Variants in FMNL3 observed in about 807,000 individuals in gnomAD.
The protein encoded by FMNL3 is formin-like protein 3.
FMNL3 carries 57 observed loss-of-function variants against 119.6 expected under a neutral mutation model. The observed-to-expected ratio is 0.48, with a 90% CI of 0.39 to 0.59. The LOEUF (loss-of-function observed/expected upper bound fraction) is 0.59, where lower values mean the gene tolerates loss of function less well. Ranked by LOEUF, FMNL3 falls within the 20% of genes least tolerant of loss-of-function variation. The pLI is 0.00. For synonymous variants in FMNL3, 491 were observed against 507.3 expected (o/e 0.97, Z 0.43); for missense variants, 1,053 against 1,323.5 (o/e 0.80, Z 3.17).
At position 49,693,635 on chromosome 12, in the gene FMNL3, GGTTTTTTTTTT is replaced by G. The variant is rs1368092922; in HGVS notation, c.126+13409_126+13419del. Among the ~76,000 whole-genome samples, 80 of 21,240 alleles carry G rather than the reference GGTTTTTTTTTT, an allele frequency of 3.8e-3. 5 individuals carry two copies. Among genetic ancestry groups the G allele is most frequent in the African/African-American group, 7.5e-3 (68 of 9,044 alleles). The allele number at this position is 21,240 out of a possible 152,430, so 13.9% of individuals were successfully genotyped here. On this transcript the variant is annotated intron_variant, in intron 1 of 25. Coordinates refer to ENST00000335154, the MANE Select transcript of FMNL3 (RefSeq NM_175736.5). ...CCACCCGCCTCAGCCTCCCAATCTT[GGTTTTTTTTTT>G]TTTTTTTTTTTTTTTTTTTGAGACA...
At chr12:49,701,221 C>T (rs1207017791) in intron 1 of FMNL3, among the ~76,000 whole-genome samples, 2 of 151,782 alleles carry the variant, frequency 1.3e-5, no homozygotes, top group Non-Finnish European at 1.5e-5. Flanking sequence ...TATACACGTA[C>T]ATCAAAGTGT....
At chr12:49,661,460 C>T (rs1943730880) in intron 5 of FMNL3, among the ~76,000 whole-genome samples, 1 of 151,646 alleles carries the variant, frequency 6.6e-6, no homozygotes, top group Admixed American at 6.6e-5. Flanking sequence ...CTCCAAGCCC[C>T]CCTGCCTGCT....
rs114377897 is a variant in FMNL3, at chr12:49,671,325, C to T, written c.127-2771G>A. On this transcript the variant is annotated intron_variant, in intron 1 of 25. Coordinates refer to ENST00000335154, the MANE Select transcript of FMNL3 (RefSeq NM_175736.5). The stretch of plus-strand genomic sequence containing the variant: ...AAGGAATGATCCCAAAGTATGGAAA[C>T]GGGTGGTAGAGGCATGAAGTAGGTC... 5.1e-3 allele frequency among the ~76,000 whole-genome samples: 776 copies of T among 152,366 alleles called. 7 individuals carry two copies. Among genetic ancestry groups the T allele is most frequent in the African/African-American group, 0.017 (711 of 41,582 alleles).
intron 1 of FMNL3, among the ~76,000 whole-genome samples, chr12:49,674,787 C>T (rs1025561675): frequency 6.6e-6 from 1 of 152,178 alleles, no homozygotes; most frequent in African/African-American, 2.4e-5. Context: ...TTTGTGGTCA[C>T]TGAGGACTCT....
chr12:49,650,017 AG>A, intron 17 of FMNL3, 92 bp from the exon 18 acceptor site: 1 of 1,144,084 alleles, frequency 8.7e-7, no homozygotes. Context: ...AGAACTGGAC[AG>A]GGGACTGTAC....
At position 49,638,761 on chromosome 12, in the gene FMNL3, G is replaced by A. The variant is rs1457342586; in HGVS notation, c.*7054C>T. On this transcript the variant is annotated 3_prime_UTR_variant, in exon 26 of 26. Transcript: ENST00000335154. The stretch of plus-strand genomic sequence containing the variant: ...TTGCTAGTTGTGTGACCTTGGATAG[G>A]TCACTTGACCTTTCTGACCCTGTTT... 2.0e-5 allele frequency: 3 copies of A among 152,182 alleles called. No individual in the cohort carries two copies. The highest frequency in any genetic ancestry group is 6.5e-5 in the Admixed American group (1 of 15,280). 9.4% of individuals were successfully genotyped at this position (152,182 alleles called of 1,614,324 possible). A position where few individuals can be genotyped will look rare whatever the true frequency, so the allele number is the denominator to read the frequency against.
chr12:49,641,919 C>G lies in FMNL3; in HGVS notation c.*3896G>C, dbSNP rs768420141. 5.6e-6 allele frequency: 9 copies of G among 1,613,322 alleles called. No homozygotes were observed. Among genetic ancestry groups the G allele is most frequent in the Admixed American group, 1.7e-5 (1 of 60,010 alleles). ...TGCTGTACCCACAGGACCGGGGCTT[C>G]TGCGTGGAGGTGAACACGGCCTTTG... On this transcript the variant is annotated 3_prime_UTR_variant, in exon 26 of 26. Coordinates refer to ENST00000335154, the MANE Select transcript of FMNL3 (RefSeq NM_175736.5).
chr12:49,660,680 G>A (rs1452128207), intron 5 of FMNL3, among the ~76,000 whole-genome samples: 1 of 152,260 alleles, frequency 6.6e-6, no homozygotes, highest in African/African-American at 2.4e-5. Flanking sequence ...AAGCTGGTTG[G>A]GAGCAGCGGC....
chr12:49,688,797 C>T (rs923298932), intron 1 of FMNL3, among the ~76,000 whole-genome samples: 4 of 152,082 alleles, frequency 2.6e-5, no homozygotes, highest in Admixed American at 1.3e-4. Context: ...GCCATTCCCC[C>T]CAAAATACAA....
chr12:49,636,829 A>G lies in FMNL3; in HGVS notation c.*8986T>C. 2 of 1,614,062 alleles carry G rather than the reference A, an allele frequency of 1.2e-6. No homozygotes were observed. Among genetic ancestry groups the G allele is most frequent in the Non-Finnish European group, 1.7e-6 (2 of 1,180,038 alleles). On this transcript the variant is annotated 3_prime_UTR_variant, in exon 26 of 26. Coordinates refer to ENST00000335154, the MANE Select transcript of FMNL3 (RefSeq NM_175736.5). ...GCTTCGGGAGCGACGCCAACAACGC[A>G]AGAATCGGGAGGCCTTCCAGGTATC...
Position 49,639,158 on chromosome 12 carries a change from T to C in FMNL3, c.*6657A>G, listed in dbSNP as rs1022477563. 2 of 152,204 alleles carry C rather than the reference T, an allele frequency of 1.3e-5. No individual in the cohort carries two copies. The highest frequency in any genetic ancestry group is 4.8e-5 in the African/African-American group (2 of 41,446). The allele number at this position is 152,204 out of a possible 1,614,324, so 9.4% of individuals were successfully genotyped here. ...TCGTAAGTAATGAGGAACCGGGGAA[T>C]GATCAGATTAGATGGTGTATAGTAG... On this transcript the variant is annotated 3_prime_UTR_variant, in exon 26 of 26. Coordinates refer to ENST00000335154, the MANE Select transcript of FMNL3 (RefSeq NM_175736.5).
intron 1 of FMNL3, among the ~76,000 whole-genome samples, chr12:49,681,723 AT>A (rs59364876): frequency 0.024 from 3,380 of 142,978 alleles, 104 homozygotes; most frequent in African/African-American, 0.074. Context: ...CGCTTGGCTA[AT>A]TTTTTTTTTT....
At chr12:49,660,778 T>C (rs1943710144) in intron 5 of FMNL3, among the ~76,000 whole-genome samples, 1 of 152,172 alleles carries the variant, frequency 6.6e-6, no homozygotes, top group African/African-American at 2.4e-5. Context: ...GGCAGCATGG[T>C]GAAACCCCGT....
At chr12:49,657,499 C>T (rs995294478) in intron 6 of FMNL3, among the ~76,000 whole-genome samples, 3 of 152,218 alleles carry the variant, frequency 2.0e-5, no homozygotes, top group South Asian at 4.2e-4. Flanking sequence ...GAGATGGCTC[C>T]AGAGACACAG....
Position 49,658,469 on chromosome 12 carries a change from G to A in FMNL3, c.578C>T (p.Ala193Val). 1 of 1,611,920 alleles carries A rather than the reference G, an allele frequency of 6.2e-7. No homozygotes were observed. The change falls in exon 6 of 26, where the codon GCT becomes GTT. Residue 193 changes from alanine to valine, a missense_variant. Transcript: ENST00000335154. ...GAGCACAGACTGGCGCGCAGAGCGA[G>A]CGAGGCTGTTGGTGAAGGGGGCCGA... ...ALSAPFTNSL[A>V]RSARQSVLRY...
chr12:49,692,634 G>A (rs1289807431), intron 1 of FMNL3, among the ~76,000 whole-genome samples: 5 of 152,018 alleles, frequency 3.3e-5, no homozygotes, highest in African/African-American at 9.7e-5. Flanking sequence ...ATATTTACAC[G>A]TACATATATA....
intron 1 of FMNL3, chr12:49,688,627 C>G (rs1401250788): frequency 7.2e-6 from 3 of 414,770 alleles, no homozygotes; most frequent in Non-Finnish European, 1.4e-5. Context: ...GTAAGTGGGT[C>G]TGCAAGAATG....
intron 2 of FMNL3, 90 bp downstream of exon 2, chr12:49,668,381 C>T (rs1210581348): frequency 1.6e-6 from 2 of 1,253,908 alleles, no homozygotes; most frequent in Non-Finnish European, 2.3e-6. Context: ...CTCAAGGAAC[C>T]CAAGGCTGCA....
In FMNL3 at chr12:49,707,298, GCC is replaced by G; in HGVS notation, c.-120_-119del. 2 of 1,015,256 alleles carry G rather than the reference GCC, an allele frequency of 2.0e-6. No individual in the cohort carries two copies. Among genetic ancestry groups the G allele is most frequent in the Non-Finnish European group, 2.7e-6 (2 of 752,742 alleles). 62.9% of individuals were successfully genotyped at this position (1,015,256 alleles called of 1,614,324 possible). A position where few individuals can be genotyped will look rare whatever the true frequency, so the allele number is the denominator to read the frequency against. On this transcript the variant is annotated 5_prime_UTR_variant, in exon 1 of 26. Coordinates refer to ENST00000335154, the MANE Select transcript of FMNL3 (RefSeq NM_175736.5). ...CGGCTCCCCGAGTCCCGACTCCTCGGCCCCGTCGAGGGCGCCGGGGGTTCCCT... is the reference window on the plus strand; with the variant it reads ...CGGCTCCCCGAGTCCCGACTCCTCGGCCGTCGAGGGCGCCGGGGGTTCCCT...
Sources: allele counts gnomAD v4.1 joint callset (sites outside exome capture counted in the v4.1 genomes callset), GRCh38; gene constraint gnomAD v4.1.1; transcripts MANE v1.5; gene names NCBI Gene and HGNC (gene_info 2026-07-23, HGNC 2026-07-21).